Variants in CSMD1 observed in about 807,000 individuals in gnomAD.
CSMD1 encodes the protein CUB and sushi domain-containing protein 1.
Under a neutral mutation model 417.5 loss-of-function variants are expected in CSMD1, and 213 were observed. That is an observed-to-expected ratio of 0.51 (90% CI 0.46 to 0.57). The LOEUF (loss-of-function observed/expected upper bound fraction) is 0.57. Ranked by LOEUF, CSMD1 falls within the 20% of genes least tolerant of loss-of-function variation. The pLI is 0.00. For missense variants in CSMD1, 6,923 were observed against 4,529.7 expected (o/e 1.53, Z -15.17); for synonymous variants, 2,862 against 1,736.8 (o/e 1.65, Z -16.11).
intron 3 of CSMD1, among the ~76,000 whole-genome samples, chr8:4,367,744 G>T (rs1242345835): frequency 6.6e-6 from 1 of 152,110 alleles, no homozygotes; most frequent in African/African-American, 2.4e-5. Flanking sequence ...TTTCAGCAGT[G>T]TTTTGTAATT....
chr8:4,338,735 C>T (rs755878703), intron 3 of CSMD1, among the ~76,000 whole-genome samples: 2 of 151,910 alleles, frequency 1.3e-5, no homozygotes, highest in East Asian at 1.9e-4. Flanking sequence ...TTTTTTTCGC[C>T]TAATTCATAA....
At chr8:3,889,543 A>ATG (rs1806810807) in intron 5 of CSMD1, among the ~76,000 whole-genome samples, 1 of 89,990 alleles carries the variant, frequency 1.1e-5, no homozygotes, top group Admixed American at 1.5e-4. Context: ...ATACACACAT[A>ATG]TGTGTATATG....
chr8:4,672,491 T>A (rs920802586), intron 1 of CSMD1, among the ~76,000 whole-genome samples: 2 of 152,134 alleles, frequency 1.3e-5, no homozygotes, highest in African/African-American at 2.4e-5. Context: ...TTTATATTAC[T>A]GATGAAAAAA....
At chr8:4,605,134 T>C (rs1386688942) in intron 2 of CSMD1, among the ~76,000 whole-genome samples, 2 of 152,214 alleles carry the variant, frequency 1.3e-5, no homozygotes, top group Non-Finnish European at 1.5e-5. Context: ...AAATTAGTAT[T>C]ATGTCACCGT....
intron 25 of CSMD1, among the ~76,000 whole-genome samples, chr8:3,307,199 T>C (rs1804938463): frequency 6.6e-6 from 1 of 152,124 alleles, no homozygotes; most frequent in Non-Finnish European, 1.5e-5. Context: ...GCAAGTGTAA[T>C]GTAAGCACAA....
intron 1 of CSMD1, among the ~76,000 whole-genome samples, chr8:4,821,053 A>C (rs12674578): frequency 0.063 from 9,582 of 152,076 alleles, 530 homozygotes; most frequent in East Asian, 0.24. Context: ...CAAGAAGAAC[A>C]ATGTGGAGGG....
intron 2 of CSMD1, among the ~76,000 whole-genome samples, chr8:4,524,161 T>A (rs527672649): frequency 3.0e-4 from 45 of 151,990 alleles, no homozygotes; most frequent in Non-Finnish European, 5.4e-4. Flanking sequence ...CATATTTGTA[T>A]GTATAAAGAA....
chr8:4,244,328 C>T (rs904911887), intron 3 of CSMD1, among the ~76,000 whole-genome samples: 2 of 152,100 alleles, frequency 1.3e-5, no homozygotes, highest in African/African-American at 4.8e-5. Flanking sequence ...TGAAACTTTG[C>T]CTGGAGCTCC....
chr8:3,481,687 A>G (rs1000445960), intron 11 of CSMD1, among the ~76,000 whole-genome samples: 1 of 152,132 alleles, frequency 6.6e-6, no homozygotes, highest in African/African-American at 2.4e-5. Context: ...GCAGAGGGAG[A>G]TTTCAGGCAG....
intron 3 of CSMD1, among the ~76,000 whole-genome samples, chr8:4,067,761 A>G (rs1035637): frequency 0.57 from 87,380 of 151,994 alleles, 26,184 homozygotes; most frequent in Non-Finnish European, 0.65. Flanking sequence ...AACTAATTGT[A>G]TGAACGTTTT....
chr8:4,769,943 A>T (rs1000442039), intron 1 of CSMD1, among the ~76,000 whole-genome samples: 12 of 152,176 alleles, frequency 7.9e-5, no homozygotes, highest in African/African-American at 2.9e-4. Context: ...TAAGAACAAT[A>T]ACAAGTTATT....
chr8:3,468,891 G>A (rs1470050150), intron 11 of CSMD1, 67 bp from the exon 12 acceptor site: 1 of 1,074,064 alleles, frequency 9.3e-7, no homozygotes, highest in Non-Finnish European at 1.4e-6. Flanking sequence ...CACCTGAAAG[G>A]AGGGTCTTGC....
At chr8:4,777,866 C>G (rs142827309) in intron 1 of CSMD1, among the ~76,000 whole-genome samples, 1,613 of 152,336 alleles carry the variant, frequency 0.011, 29 homozygotes, top group African/African-American at 0.037. Flanking sequence ...CACTTGACTT[C>G]TGACACACTG....
intron 12 of CSMD1, among the ~76,000 whole-genome samples, chr8:3,425,112 T>A (rs539913918): frequency 1.3e-5 from 2 of 152,172 alleles, no homozygotes; most frequent in Non-Finnish European, 2.9e-5. Flanking sequence ...AGCGCCACCA[T>A]GCTTGTCCTA....
intron 3 of CSMD1, among the ~76,000 whole-genome samples, chr8:4,235,599 G>A (rs749134409): frequency 6.6e-6 from 1 of 152,072 alleles, no homozygotes; most frequent in African/African-American, 2.4e-5. Flanking sequence ...TTTTCTCTCA[G>A]GGATCTCATG....
intron 7 of CSMD1, among the ~76,000 whole-genome samples, chr8:3,680,937 C>G (rs1158469534): frequency 1.3e-5 from 2 of 152,262 alleles, no homozygotes; most frequent in East Asian, 1.9e-4. Context: ...ATGACAAAAA[C>G]CACATGATTA....
chr8:4,568,280 C>G (rs1209633044), intron 2 of CSMD1, among the ~76,000 whole-genome samples: 1 of 152,148 alleles, frequency 6.6e-6, no homozygotes, highest in Non-Finnish European at 1.5e-5. Context: ...TATCCCTCCC[C>G]TTACCCCACC....
intron 3 of CSMD1, among the ~76,000 whole-genome samples, chr8:4,033,485 T>C (rs1026839690): frequency 1.3e-5 from 2 of 152,112 alleles, no homozygotes; most frequent in Admixed American, 6.6e-5. Context: ...TGATTCTACC[T>C]ATGACCTGGA....
intron 2 of CSMD1, among the ~76,000 whole-genome samples, chr8:4,592,946 G>A (rs1307999463): frequency 6.6e-6 from 1 of 152,134 alleles, no homozygotes; most frequent in Non-Finnish European, 1.5e-5. Context: ...TGTGAGGTTT[G>A]CTGTAGTTTT....
Sources: allele counts gnomAD v4.1 joint callset (sites outside exome capture counted in the v4.1 genomes callset), GRCh38; gene constraint gnomAD v4.1.1; transcripts MANE v1.5; gene names NCBI Gene and HGNC (gene_info 2026-07-23, HGNC 2026-07-21).